The following SQSTM1 variants were observed in gnomAD, a reference collection of about 807,000 sequenced individuals.
The protein encoded by SQSTM1 is sequestosome 1.
SQSTM1 carries 36 observed loss-of-function variants against 45.1 expected under a neutral mutation model. The ratio of observed to expected loss-of-function variants is 0.80; its 90% CI spans 0.61 to 1.05. The LOEUF (loss-of-function observed/expected upper bound fraction) is 1.05, where lower values mean the gene tolerates loss of function less well. SQSTM1 is among the 50% of genes least tolerant of loss of function. The pLI is 0.00. For missense variants in SQSTM1, 617 were observed against 607.1 expected, an observed-to-expected ratio of 1.02 and a Z score of -0.17; for synonymous variants, 290 against 244.3, an observed-to-expected ratio of 1.19 and a Z score of -1.74.
Position 179,806,468 on chromosome 5 carries a change from G to C in SQSTM1, c.-280G>C. On this transcript the variant is annotated 5_prime_UTR_variant, in exon 1 of 6. Coordinates refer to the SQSTM1 transcript ENST00000514093. The surrounding 1 kb of genome is among the most constrained non-coding windows in gnomAD (Gnocchi z 4.6). ...CGCCCAGGTGCGCCAGGTGCGGGCC[G>C]GGCGGGGGTCGCGCTCACCTTTCTG... 6 of 1,260,416 alleles carry C rather than the reference G, an allele frequency of 4.8e-6. No individual in the cohort carries two copies. Among genetic ancestry groups the C allele is most frequent in the Non-Finnish European group, 6.1e-6 (6 of 975,864 alleles). 78.1% of individuals were successfully genotyped at this position (1,260,416 alleles called of 1,614,324 possible).
At chr5:179,821,174 C>T in intron 1 of SQSTM1, 33 bp downstream of exon 1, 2 of 1,324,266 alleles carry the variant, frequency 1.5e-6, no homozygotes, top group Non-Finnish European at 1.9e-6. Context: ...GGGGCGGTGA[C>T]GCAGGCCGGA....
intron 2 of SQSTM1, chr5:179,813,027 C>T (rs1001282030): frequency 2.2e-5 from 3 of 135,706 alleles, no homozygotes; most frequent in African/African-American, 8.4e-5. Flanking sequence ...AAGAAAAAAG[C>T]ATGTTTCTAA....
intron 1 of SQSTM1, among the ~76,000 whole-genome samples, chr5:179,809,155 CTTTTTTT>C (rs148749058): frequency 6.0e-5 from 6 of 100,230 alleles, no homozygotes; most frequent in Non-Finnish European, 1.0e-4. Flanking sequence ...CCACCCCGGC[CTTTTTTT>C]TTTTTTTTTT....
At chr5:179,833,910 G>C in intron 7 of SQSTM1, 128 bp downstream of exon 7, 2 of 1,046,284 alleles carry the variant, frequency 1.9e-6, no homozygotes, top group South Asian at 2.7e-5. Context: ...TGTAGGTGTG[G>C]GAGGTTAGGA....
intron 5 of SQSTM1, among the ~76,000 whole-genome samples, chr5:179,827,895 G>A (rs1173844816): frequency 6.6e-6 from 1 of 152,136 alleles, no homozygotes; most frequent in African/African-American, 2.4e-5. Context: ...TGTGTGTAGG[G>A]TAAGCGGCAG....
chr5:179,822,110 T>C (rs73351643), intron 1 of SQSTM1, among the ~76,000 whole-genome samples: 15,325 of 152,240 alleles, frequency 0.1, 984 homozygotes, highest in African/African-American at 0.18. Flanking sequence ...TTTATCACCC[T>C]CTTATCCACA....
upstream of SQSTM1, among the ~76,000 whole-genome samples, chr5:179,816,070 G>A (rs1653451343): frequency 6.6e-6 from 1 of 152,190 alleles, no homozygotes; most frequent in Non-Finnish European, 1.5e-5. Flanking sequence ...ACTGCGGTAA[G>A]TACCCGTCCT....
At chr5:179,830,035 G>C (rs954222408) in intron 5 of SQSTM1, among the ~76,000 whole-genome samples, 3 of 152,330 alleles carry the variant, frequency 2.0e-5, no homozygotes, top group Admixed American at 2.0e-4. Flanking sequence ...CTTGAGCCTG[G>C]AAGGCAGAGG....
At chr5:179,812,622 C>T (rs1467221129) in intron 2 of SQSTM1, 1 of 152,334 alleles carries the variant, frequency 6.6e-6, no homozygotes, top group South Asian at 2.1e-4. Flanking sequence ...TTTGGCCCCT[C>T]TCATATCCGG....
Position 179,823,982 on chromosome 5 carries a change from C to T in SQSTM1, c.426C>T (p.Cys142=). ...NGPVVGTRYK[C]SVCPDYDLCS... ...CTGTGGTAGGAACCCGCTACAAGTGCAGCGTCTGCCCAGACTACGACTTGT... is the reference window on the plus strand; with the variant it reads ...CTGTGGTAGGAACCCGCTACAAGTGTAGCGTCTGCCCAGACTACGACTTGT... The change falls in exon 3 of 8, where the codon TGC becomes TGT. Residue 142 remains cysteine (C), a synonymous_variant. Transcript: ENST00000389805. The T allele has an allele frequency of 6.2e-7, 1 of 1,613,932 alleles. No individual in the cohort carries two copies. Among genetic ancestry groups the T allele is most frequent in the Non-Finnish European group, 8.5e-7 (1 of 1,180,040 alleles).
upstream of SQSTM1, among the ~76,000 whole-genome samples, chr5:179,817,406 G>A (rs1022372990): frequency 6.6e-6 from 1 of 152,188 alleles, no homozygotes; most frequent in Non-Finnish European, 1.5e-5. Flanking sequence ...CCCCGGCATG[G>A]ACGACCCCTC....
intron 5 of SQSTM1, among the ~76,000 whole-genome samples, chr5:179,829,683 G>GGAGGAGAGGAAAGA (rs1554090841): frequency 6.6e-6 from 1 of 152,044 alleles, no homozygotes; most frequent in Non-Finnish European, 1.5e-5. Flanking sequence ...AATAGAGATA[G>GGAGGAGAGGAAAGA]TTTTTTTATC....
intron 7 of SQSTM1, chr5:179,836,200 G>C (rs1758545876): frequency 1.6e-6 from 1 of 606,814 alleles, no homozygotes; most frequent in Admixed American, 2.9e-5. Flanking sequence ...TGATGGTTCT[G>C]CTTACACACC....
chr5:179,812,588 G>C (rs550666464), intron 2 of SQSTM1: 1 of 152,270 alleles, frequency 6.6e-6, no homozygotes, highest in Non-Finnish European at 1.5e-5. Flanking sequence ...ATTGACTTCT[G>C]GACATGGAAG....
rs1298163018 is a variant in SQSTM1 at position 179,834,859 on chromosome 5, C to G, written c.1165+1077C>G. On this transcript the variant is annotated intron_variant, in intron 7 of 7. Coordinates refer to ENST00000389805, the MANE Select transcript of SQSTM1 (RefSeq NM_003900.5). ...TCTCAATCTTTTCCCCACCTTTCCC[C>G]GCTTTCTATTCCACAAAGCCGCCAT... Among the ~76,000 whole-genome samples, 14 of 152,360 alleles carry G rather than the reference C, an allele frequency of 9.2e-5. No homozygotes were observed. The East Asian group carries it at 1.2e-3, about 13-fold the overall frequency.
intron 6 of SQSTM1, 124 bp from the exon 7 acceptor site, chr5:179,833,463 C>T (rs1278935187): frequency 1.8e-6 from 2 of 1,105,486 alleles, no homozygotes; most frequent in Non-Finnish European, 2.7e-6. Flanking sequence ...TCCCCCTAGA[C>T]CCCTGCAGCC....
chr5:179,828,061 G>A (rs1758069240), intron 5 of SQSTM1, among the ~76,000 whole-genome samples: 1 of 152,210 alleles, frequency 6.6e-6, no homozygotes, highest in East Asian at 1.9e-4. Context: ...CCGACACGCA[G>A]AGGCTTTGTG....
Position 179,824,181 on chromosome 5 carries a change from G to C in SQSTM1, c.532-1G>C. 1 of 1,613,782 alleles carries C rather than the reference G, an allele frequency of 6.2e-7. No individual in the cohort carries two copies. Among genetic ancestry groups the C allele is most frequent in the Non-Finnish European group, 8.5e-7 (1 of 1,180,040 alleles). On this transcript the variant is annotated splice_acceptor_variant, in intron 3 of 7. Coordinates refer to ENST00000389805, the MANE Select transcript of SQSTM1 (RefSeq NM_003900.5). LOFTEE classifies it high-confidence loss of function. ...TGCCGCTCTGCTAATTCCTCCCCCA[G>C]GGCTTCTCGCACAGCCGCTGGCTCC...
chr5:179,807,779 A>C (rs1323825664), intron 1 of SQSTM1: 1 of 152,222 alleles, frequency 6.6e-6, no homozygotes, highest in African/African-American at 2.4e-5. Context: ...CAGCCTCCCG[A>C]GTAGCTGGGA....
Sources: allele counts gnomAD v4.1 joint callset (sites outside exome capture counted in the v4.1 genomes callset), GRCh38; gene constraint gnomAD v4.1.1; non-coding constraint Gnocchi (gnomAD v3.1); transcripts MANE v1.5; gene names NCBI Gene and HGNC (gene_info 2026-07-23, HGNC 2026-07-21).